KIF2A: variants seen among roughly 807,000 people sequenced by gnomAD.
KIF2A encodes the protein kinesin-like protein KIF2A.
KIF2A carries 22 observed loss-of-function variants against 100.2 expected under a neutral mutation model. The observed-to-expected ratio is 0.22, with a 90% CI of 0.16 to 0.31. The LOEUF is 0.31. Ranked by LOEUF, KIF2A falls within the 10% of genes least tolerant of loss-of-function variation. The probability of loss-of-function intolerance (pLI) is 1.00; values close to 1 mark genes in which losing one functional copy is unlikely to be tolerated. For synonymous variants in KIF2A, 268 were observed against 285.9 expected (o/e 0.94, Z 0.63); for missense variants, 495 against 898.7 (o/e 0.55, Z 5.74).
At chr5:62,375,205 A>G (rs1173267627) in intron 18 of KIF2A, among the ~76,000 whole-genome samples, 4 of 152,198 alleles carry the variant, frequency 2.6e-5, no homozygotes, top group African/African-American at 9.6e-5. Flanking sequence ...CTTTTAATGT[A>G]TTGAGAGGGT....
intron 6 of KIF2A, 98 bp downstream of exon 6, chr5:62,353,473 T>G (rs1387745804): frequency 5.9e-6 from 3 of 508,678 alleles, no homozygotes; most frequent in Non-Finnish European, 1.0e-5. Flanking sequence ...AAGGCATTTT[T>G]TTTGAAGAAT....
At chr5:62,307,815 A>G (rs1745387921) in intron 1 of KIF2A, among the ~76,000 whole-genome samples, 3 of 152,018 alleles carry the variant, frequency 2.0e-5, no homozygotes, top group African/African-American at 7.3e-5. Flanking sequence ...ACGGGGTTTC[A>G]CCATGTTGAC....
intron 4 of KIF2A, among the ~76,000 whole-genome samples, chr5:62,350,967 C>CA (rs1747824664): frequency 6.6e-6 from 1 of 151,820 alleles, no homozygotes; most frequent in Admixed American, 6.6e-5. Flanking sequence ...AACGGTGGCT[C>CA]ACCCCTGAAA....
In KIF2A at chr5:62,363,160, G is replaced by T. The variant is rs780754953; in HGVS notation, c.1120-18G>T. The T allele has an allele frequency of 1.3e-6, 2 of 1,581,766 alleles. No individual in the cohort carries two copies. Among genetic ancestry groups the T allele is most frequent in the South Asian group, 1.2e-5 (1 of 86,788 alleles). ...TACTTTAAAGCTAGTTTTCTAATTT[G>T]AATATGGTTTTTCATAGGTGTTTGA... On this transcript the variant is annotated intron_variant, in intron 12 of 20. Transcript: ENST00000407818.
intron 1 of KIF2A, among the ~76,000 whole-genome samples, chr5:62,330,715 G>A (rs1746588577): frequency 6.6e-6 from 1 of 152,060 alleles, no homozygotes; most frequent in Non-Finnish European, 1.5e-5. Flanking sequence ...ATGTTTAAAA[G>A]TCTATTAAAA....
intron 18 of KIF2A, among the ~76,000 whole-genome samples, chr5:62,377,104 G>A (rs1023802279): frequency 6.6e-6 from 1 of 152,144 alleles, no homozygotes; most frequent in Non-Finnish European, 1.5e-5. Flanking sequence ...AAGTAAAATT[G>A]TGAATTGTCC....
intron 1 of KIF2A, among the ~76,000 whole-genome samples, chr5:62,338,786 T>C (rs111788410): frequency 0.049 from 7,419 of 152,068 alleles, 572 homozygotes; most frequent in African/African-American, 0.17. Context: ...TTGTAGAAAA[T>C]ATTTGCTATA....
At chr5:62,376,060 C>T (rs138848090) in intron 18 of KIF2A, among the ~76,000 whole-genome samples, 1 of 152,308 alleles carries the variant, frequency 6.6e-6, no homozygotes, top group East Asian at 1.9e-4. Context: ...TATGTTACCT[C>T]CCAAAGATGT....
At chr5:62,329,612 G>A (rs1012739169) in intron 1 of KIF2A, among the ~76,000 whole-genome samples, 2 of 152,180 alleles carry the variant, frequency 1.3e-5, no homozygotes, top group Non-Finnish European at 2.9e-5. Flanking sequence ...AAGATATAAT[G>A]TGTGACTGTT....
At chr5:62,355,799 C>A (rs1213670487) in intron 7 of KIF2A, among the ~76,000 whole-genome samples, 1 of 137,140 alleles carries the variant, frequency 7.3e-6, no homozygotes, top group African/African-American at 2.7e-5. Context: ...CAGGGAGTGC[C>A]TTTTTTTTTT....
At chr5:62,380,276 C>A (rs1434456584) in intron 19 of KIF2A, among the ~76,000 whole-genome samples, 1 of 152,200 alleles carries the variant, frequency 6.6e-6, no homozygotes, top group East Asian at 1.9e-4. Context: ...GCTACCATAG[C>A]CCCCATCAAA....
intron 1 of KIF2A, among the ~76,000 whole-genome samples, chr5:62,325,053 C>T (rs892966176): frequency 6.6e-6 from 1 of 152,136 alleles, no homozygotes; most frequent in Non-Finnish European, 1.5e-5. Context: ...TTTCTTAAGT[C>T]GCCTGCTTGT....
At chr5:62,358,665 TAAAG>T (rs1018676021) in intron 9 of KIF2A, among the ~76,000 whole-genome samples, 3 of 152,202 alleles carry the variant, frequency 2.0e-5, no homozygotes, top group African/African-American at 4.8e-5. Flanking sequence ...TCTGTACTAA[TAAAG>T]AAACTTGAAA....
At position 62,389,351 on chromosome 5, in the gene KIF2A, T is replaced by A. The variant is rs1742184053; in HGVS notation, c.*3782T>A. ...AAATACAAAAATTAGCCTGGCATGGTGGCACATGCCTGTAATCCCAGCTAC... is the reference window on the plus strand; with the variant it reads ...AAATACAAAAATTAGCCTGGCATGGAGGCACATGCCTGTAATCCCAGCTAC... On this transcript the variant is annotated 3_prime_UTR_variant, in exon 21 of 21. Coordinates refer to ENST00000407818, the MANE Select transcript of KIF2A (RefSeq NM_001098511.3). 6.6e-6 allele frequency among the ~76,000 whole-genome samples: 1 copy of A among 151,910 alleles called. No individual in the cohort carries two copies. Among genetic ancestry groups the A allele is most frequent in the Non-Finnish European group, 1.5e-5 (1 of 67,980 alleles).
At chr5:62,372,793 G>A (rs1220639135) in intron 17 of KIF2A, among the ~76,000 whole-genome samples, 1 of 152,084 alleles carries the variant, frequency 6.6e-6, no homozygotes, top group East Asian at 1.9e-4. Context: ...TAAGGATGAT[G>A]TCACTTTTGC....
chr5:62,329,691 T>G (rs760980175), intron 1 of KIF2A, among the ~76,000 whole-genome samples: 48 of 152,380 alleles, frequency 3.2e-4, no homozygotes, highest in Non-Finnish European at 6.0e-4. Flanking sequence ...TGCTTTTTTG[T>G]AGCATCCTTG....
At chr5:62,353,060 A>G (rs1747934144) in intron 5 of KIF2A, 3 of 445,478 alleles carry the variant, frequency 6.7e-6, no homozygotes, top group Non-Finnish European at 1.2e-5. Context: ...ATGTATCAAT[A>G]TGTTTGAGTC....
At position 62,387,950 on chromosome 5, in the gene KIF2A, A is replaced by G. The variant is rs1010795793; in HGVS notation, c.*2381A>G. ...TAAGTTAGGTATTAAAAAAAGCCAAATATCAATAAAGATATTTTTATTAAT... is the reference window on the plus strand; with the variant it reads ...TAAGTTAGGTATTAAAAAAAGCCAAGTATCAATAAAGATATTTTTATTAAT... On this transcript the variant is annotated 3_prime_UTR_variant, in exon 21 of 21. Transcript: ENST00000407818. The G allele has an allele frequency of 2.0e-5, 3 of 152,252 alleles. No individual in the cohort carries two copies. Among genetic ancestry groups the G allele is most frequent in the Middle Eastern group, 3.4e-3 (1 of 294 alleles). The allele number at this position is 152,252 out of a possible 1,614,324, so 9.4% of individuals were successfully genotyped here.
chr5:62,316,692 A>G (rs1015031267), intron 1 of KIF2A, among the ~76,000 whole-genome samples: 3 of 152,194 alleles, frequency 2.0e-5, no homozygotes, highest in African/African-American at 2.4e-5. Context: ...AGGTTCATCA[A>G]TTGTAACAAG....
Sources: gnomAD v4.1 joint callset for allele counts (sites outside exome capture counted in the v4.1 genomes callset) on GRCh38, gnomAD v4.1.1 for gene constraint, MANE v1.5 for transcripts, NCBI Gene and HGNC (gene_info 2026-07-23, HGNC 2026-07-21) for gene names.